Variants in WASF3 observed in about 807,000 individuals in gnomAD.
WASF3 encodes the protein actin-binding protein WASF3.
In WASF3, 11 loss-of-function variants were observed where a neutral mutation model predicts 46.6. The ratio of observed to expected loss-of-function variants is 0.24; its 90% confidence interval spans 0.15 to 0.39. WASF3 has a LOEUF of 0.39. Ranked by LOEUF, WASF3 falls within the 10% of genes least tolerant of loss-of-function variation. The pLI is 1.00. For missense variants in WASF3, 576 were observed against 669.8 expected, an observed-to-expected ratio of 0.86 and a Z score of 1.55; for synonymous variants, 242 against 259.7, an observed-to-expected ratio of 0.93 and a Z score of 0.65.
rs1428620569 is a variant in WASF3, at chr13:26,671,891, C to T, written c.442C>T (p.Leu148=). ...TPYRDDKKDG[L]KFYTDPSYFF... ...TTGTAGAGATGACAAGAAGGATGGG[C>T]TGAAGTTCTATACTGATCCTTCCTA... Residue 148 remains leucine, a synonymous_variant, in exon 6 of 10, where the codon CTG becomes TTG. Coordinates refer to ENST00000335327, the MANE Select transcript of WASF3 (RefSeq NM_006646.6). 1.9e-6 allele frequency: 3 copies of T among 1,598,564 alleles called. No homozygotes were observed. Among genetic ancestry groups the T allele is most frequent in the Non-Finnish European group, 2.6e-6 (3 of 1,176,094 alleles).
rs898952770 is a variant in WASF3, at chr13:26,675,631, A to C, written c.541-918A>C. Among the ~76,000 whole-genome samples the C allele has an allele frequency of 5.0e-5, 5 of 100,930 alleles. No homozygotes were observed. In the South Asian group the frequency reaches 1.8e-3, roughly 37 times the overall value. The allele number at this position is 100,930 out of a possible 152,430, so 66.2% of individuals were successfully genotyped here. Reference sequence around the variant, plus strand: ...TGTCCTCTTGTGGACTGCAGGCTCCATGAGCACAGATGCCATGTCTGTGTG... The same window carrying C: ...TGTCCTCTTGTGGACTGCAGGCTCCCTGAGCACAGATGCCATGTCTGTGTG... On this transcript the variant is annotated intron_variant, in intron 6 of 9. Transcript: ENST00000335327.
chr13:26,561,067 TG>T (rs1190899787), intron 1 of WASF3, among the ~76,000 whole-genome samples: 1 of 151,548 alleles, frequency 6.6e-6, no homozygotes, highest in East Asian at 1.9e-4. Flanking sequence ...TTCAGTCCAG[TG>T]GGGGTGGTTG....
At chr13:26,575,043 A>G (rs1321616006) in intron 1 of WASF3, among the ~76,000 whole-genome samples, 1 of 152,070 alleles carries the variant, frequency 6.6e-6, no homozygotes, top group East Asian at 1.9e-4. Context: ...ACACTGTGTT[A>G]GCCAGGATGG....
chr13:26,657,001 T>G (rs367790658), intron 3 of WASF3, among the ~76,000 whole-genome samples: 2 of 152,196 alleles, frequency 1.3e-5, no homozygotes, highest in African/African-American at 4.8e-5. Context: ...CTATGGACTT[T>G]CCTAGAGAAG....
intron 2 of WASF3, among the ~76,000 whole-genome samples, chr13:26,623,954 C>T (rs1046342179): frequency 6.6e-6 from 1 of 152,158 alleles, no homozygotes; most frequent in Non-Finnish European, 1.5e-5. Context: ...TCCCTCAAAC[C>T]CTGACTAGGT....
chr13:26,612,732 C>T (rs961288953), intron 1 of WASF3, among the ~76,000 whole-genome samples: 1 of 152,120 alleles, frequency 6.6e-6, no homozygotes, highest in African/African-American at 2.4e-5. Context: ...CTATTATTTA[C>T]TGTGAGTCCT....
intron 1 of WASF3, among the ~76,000 whole-genome samples, chr13:26,608,639 A>G (rs1300978471): frequency 6.6e-6 from 1 of 152,182 alleles, no homozygotes; most frequent in Non-Finnish European, 1.5e-5. Context: ...GGGGCCAGCT[A>G]AAATGTGTTC....
intron 1 of WASF3, among the ~76,000 whole-genome samples, chr13:26,574,334 CTATT>C (rs1039643089): frequency 2.0e-5 from 3 of 151,948 alleles, no homozygotes; most frequent in Admixed American, 6.5e-5. Flanking sequence ...TGGTGTGTTT[CTATT>C]TATTTACTCT....
At position 26,681,331 on chromosome 13, in the gene WASF3, A is replaced by T. The variant is rs775900272; in HGVS notation, c.983+11A>T. On this transcript the variant is annotated intron_variant, in intron 8 of 9. Transcript: ENST00000335327. ...TCCAGCAGACTACGGGTAACTCAGC[A>T]TGCCTTGTACCCTAATCCCTCCTGG... The T allele has an allele frequency of 1.9e-6, 3 of 1,572,506 alleles. No homozygotes were observed. The highest frequency in any genetic ancestry group is 2.6e-6 in the Non-Finnish European group (3 of 1,159,648).
chr13:26,612,467 A>G (rs1350696493), intron 1 of WASF3, among the ~76,000 whole-genome samples: 2 of 152,200 alleles, frequency 1.3e-5, no homozygotes, highest in Non-Finnish European at 2.9e-5. Flanking sequence ...TAAATCTGTT[A>G]CTATTTTATC....
chr13:26,610,943 A>G (rs1880957107), intron 1 of WASF3, among the ~76,000 whole-genome samples: 1 of 152,086 alleles, frequency 6.6e-6, no homozygotes, highest in Admixed American at 6.6e-5. Flanking sequence ...GACTTATGTT[A>G]GAAATGTTAG....
chr13:26,577,301 T>C (rs915165580), intron 1 of WASF3: 1 of 747,922 alleles, frequency 1.3e-6, no homozygotes, highest in Admixed American at 1.8e-5. Context: ...TGTTCTGTGT[T>C]GGTTTTCCTA....
intron 1 of WASF3, among the ~76,000 whole-genome samples, chr13:26,605,581 G>C (rs1354715432): frequency 6.6e-6 from 1 of 152,116 alleles, no homozygotes; most frequent in African/African-American, 2.4e-5. Flanking sequence ...ATTGTGCCAA[G>C]TGCTGGAATT....
At chr13:26,543,742 C>A in the WASF3 span, among the ~76,000 whole-genome samples, 1 of 152,134 alleles carries the variant, frequency 6.6e-6, no homozygotes, top group African/African-American at 2.4e-5. Context: ...TTTCAAAATC[C>A]CGGAATTTCA....
chr13:26,578,249 A>T (rs1269302489), intron 1 of WASF3, among the ~76,000 whole-genome samples: 1 of 152,002 alleles, frequency 6.6e-6, no homozygotes, highest in Non-Finnish European at 1.5e-5. Context: ...TTCAACATTA[A>T]GTGTGATTTT....
chr13:26,633,593 T>C (rs1339374955), intron 2 of WASF3, among the ~76,000 whole-genome samples: 1 of 152,218 alleles, frequency 6.6e-6, no homozygotes, highest in African/African-American at 2.4e-5. Flanking sequence ...AGGGTGTCGA[T>C]TTTAGATCTT....
intron 2 of WASF3, among the ~76,000 whole-genome samples, chr13:26,629,189 G>A (rs867287356): frequency 1.3e-5 from 2 of 152,200 alleles, no homozygotes; most frequent in African/African-American, 2.4e-5. Flanking sequence ...GCAGGCTGGC[G>A]GATTTTGCCT....
intron 1 of WASF3, among the ~76,000 whole-genome samples, chr13:26,612,694 C>G (rs1881014618): frequency 1.3e-5 from 2 of 152,166 alleles, no homozygotes; most frequent in Admixed American, 1.3e-4. Flanking sequence ...TACACTTAGA[C>G]TTGACTTTTT....
At chr13:26,668,359 C>T (rs934741086) in intron 5 of WASF3, among the ~76,000 whole-genome samples, 2 of 152,366 alleles carry the variant, frequency 1.3e-5, no homozygotes, top group Middle Eastern at 3.4e-3. Flanking sequence ...CACACTGTCT[C>T]TCCATCCCTT....
Sources: gnomAD v4.1 joint callset for allele counts (sites outside exome capture counted in the v4.1 genomes callset) on GRCh38, gnomAD v4.1.1 for gene constraint, MANE v1.5 for transcripts, NCBI Gene and HGNC (gene_info 2026-07-23, HGNC 2026-07-21) for gene names.